Variants in PTPN13 observed in about 807,000 individuals in gnomAD.
The protein encoded by PTPN13 is protein tyrosine phosphatase non-receptor type 13.
In PTPN13, 191 loss-of-function variants were observed where a neutral mutation model predicts 284.0. The ratio of observed to expected loss-of-function variants is 0.67; its 90% CI spans 0.60 to 0.76. The LOEUF (loss-of-function observed/expected upper bound fraction) is 0.76. Ranked by LOEUF, PTPN13 falls within the 30% of genes least tolerant of loss-of-function variation. The probability of loss-of-function intolerance (pLI) is 0.00; values close to 1 mark genes in which losing one functional copy is unlikely to be tolerated. For missense variants in PTPN13, 2,797 were observed against 2,939.9 expected (o/e 0.95, Z 1.12); for synonymous variants, 986 against 1,022.3 (o/e 0.96, Z 0.68).
intron 1 of PTPN13, among the ~76,000 whole-genome samples, chr4:86,605,730 AT>A (rs1366655624): frequency 2.6e-5 from 4 of 151,880 alleles, no homozygotes; most frequent in Non-Finnish European, 5.9e-5. Context: ...TAAAAATAAG[AT>A]TTTATAGATA....
At chr4:86,637,581 C>T (rs1200535076) in intron 2 of PTPN13, among the ~76,000 whole-genome samples, 3 of 151,296 alleles carry the variant, frequency 2.0e-5, no homozygotes, top group Non-Finnish European at 4.4e-5. Context: ...ACAAAAACCA[C>T]ATGATTATCT....
intron 10 of PTPN13, 87 bp downstream of exon 10, chr4:86,722,521 A>G (rs1733788416): frequency 9.3e-7 from 1 of 1,078,988 alleles, no homozygotes; most frequent in Non-Finnish European, 1.4e-6. Flanking sequence ...TGCTACAGGT[A>G]TCCATCTAAA....
At chr4:86,684,456 C>T (rs1189688658) in intron 3 of PTPN13, among the ~76,000 whole-genome samples, 1 of 151,948 alleles carries the variant, frequency 6.6e-6, no homozygotes, top group African/African-American at 2.4e-5. Flanking sequence ...AATCTGCTTG[C>T]AAAATGGAAA....
In PTPN13 at chr4:86,799,139, A is replaced by G; in HGVS notation, c.6440A>G (p.Asp2147Gly). 6.3e-7 allele frequency: 1 copy of G among 1,594,946 alleles called. No homozygotes were observed. Among genetic ancestry groups the G allele is most frequent in the Non-Finnish European group, 8.5e-7 (1 of 1,171,640 alleles). Residue 2147 changes from aspartate (D) to glycine (G), a missense_variant, in exon 42 of 48, where the codon GAT becomes GGT. By Grantham distance (94) the Asp-to-Gly change is moderately conservative. Coordinates refer to ENST00000411767, the MANE Select transcript of PTPN13 (RefSeq NM_080683.3). ...QKPQEKKTDDDEITWGNDELP... is the reference protein window; with the variant it reads ...QKPQEKKTDDGEITWGNDELP... ...CCACAAGAAAAGAAGACTGATGATG[A>G]TGAAATAACATGGGGAAATGATGAG...
chr4:86,643,278 A>G (rs116278538), intron 2 of PTPN13, among the ~76,000 whole-genome samples: 2 of 152,358 alleles, frequency 1.3e-5, no homozygotes, highest in African/African-American at 4.8e-5. Flanking sequence ...TCTAAGAGAT[A>G]CCAGCAAGTG....
intron 26 of PTPN13, among the ~76,000 whole-genome samples, chr4:86,765,815 CTTGTTTTTTTTGTTG>C (rs1739236208): frequency 6.6e-6 from 1 of 151,530 alleles, no homozygotes; most frequent in African/African-American, 2.4e-5. Context: ...GTCATCTACA[CTTGTTTTTTTTGTTG>C]TTGTTTTTTT....
At chr4:86,649,295 C>G (rs1430232976) in intron 2 of PTPN13, among the ~76,000 whole-genome samples, 1 of 152,118 alleles carries the variant, frequency 6.6e-6, no homozygotes, top group Admixed American at 6.6e-5. Flanking sequence ...TGCAAGAAAT[C>G]TTTGTGCACG....
At chr4:86,656,994 G>A (rs1341920466) in intron 2 of PTPN13, among the ~76,000 whole-genome samples, 2 of 152,184 alleles carry the variant, frequency 1.3e-5, no homozygotes, top group Admixed American at 6.5e-5. Flanking sequence ...AGCAGTGAGC[G>A]AGGCTCTGTG....
intron 12 of PTPN13, among the ~76,000 whole-genome samples, chr4:86,733,895 T>G (rs1299017679): frequency 1.3e-5 from 2 of 152,212 alleles, no homozygotes; most frequent in Admixed American, 6.5e-5. Context: ...TATTAAATGT[T>G]TACCGTGTAC....
intron 17 of PTPN13, 130 bp downstream of exon 17, chr4:86,745,258 G>T: frequency 5.8e-6 from 5 of 861,298 alleles, no homozygotes; most frequent in Non-Finnish European, 8.7e-6. Context: ...GCTAAATCAA[G>T]TCTATAAAGG....
intron 1 of PTPN13, among the ~76,000 whole-genome samples, chr4:86,597,147 A>C (rs1763888164): frequency 6.6e-6 from 1 of 150,742 alleles, no homozygotes; most frequent in Admixed American, 6.6e-5. Context: ...AATGACGAGA[A>C]TCTTTTGGGC....
At chr4:86,657,814 C>G (rs376335072) in intron 2 of PTPN13, among the ~76,000 whole-genome samples, 1 of 152,300 alleles carries the variant, frequency 6.6e-6, no homozygotes. Flanking sequence ...CGGGAATCTG[C>G]TAAGCTGGTG....
intron 2 of PTPN13, among the ~76,000 whole-genome samples, chr4:86,655,632 C>T (rs1175263106): frequency 6.6e-6 from 1 of 152,150 alleles, no homozygotes; most frequent in Non-Finnish European, 1.5e-5. Flanking sequence ...GATGGGCTTC[C>T]CTTTGAGGGT....
chr4:86,805,997 A>G (rs1274817604), intron 44 of PTPN13, among the ~76,000 whole-genome samples: 1 of 152,010 alleles, frequency 6.6e-6, no homozygotes, highest in Non-Finnish European at 1.5e-5. Context: ...CTCTACTGAA[A>G]AATACAGAAA....
At chr4:86,626,753 A>G (rs748172680) in intron 1 of PTPN13, among the ~76,000 whole-genome samples, 1 of 152,154 alleles carries the variant, frequency 6.6e-6, no homozygotes, top group Non-Finnish European at 1.5e-5. Context: ...ACTTTTGGGT[A>G]TACAGTTGAA....
intron 2 of PTPN13, among the ~76,000 whole-genome samples, chr4:86,638,617 G>T (rs1407227787): frequency 2.0e-5 from 3 of 152,158 alleles, no homozygotes; most frequent in Non-Finnish European, 2.9e-5. Flanking sequence ...GGGAAAACTG[G>T]CTAGCCATAT....
At chr4:86,753,263 C>G (rs1264095651) in intron 20 of PTPN13, among the ~76,000 whole-genome samples, 198 bp downstream of exon 20, 1 of 151,868 alleles carries the variant, frequency 6.6e-6, no homozygotes, top group Non-Finnish European at 1.5e-5. Context: ...GATGAAATGA[C>G]AAATTAGAGA....
Position 86,814,682 on chromosome 4 carries a change from G to T in PTPN13, c.*131G>T. On this transcript the variant is annotated 3_prime_UTR_variant, in exon 48 of 48. Coordinates refer to ENST00000411767, the MANE Select transcript of PTPN13 (RefSeq NM_080683.3). ...TGCATGTTCTCCTCTATCTTAGAGG[G>T]GTATTCTTCTTGAAAATAAAAAATA... The T allele has an allele frequency of 6.8e-6, 4 of 585,364 alleles. No individual in the cohort carries two copies. The highest frequency in any genetic ancestry group is 5.9e-5 in the South Asian group (2 of 33,840). The allele number at this position is 585,364 out of a possible 1,614,324, so 36.3% of individuals were successfully genotyped here.
rs761555662 is a variant in PTPN13 at position 86,701,755 on chromosome 4, G to A, written c.1149G>A (p.Glu383=). The part of the protein sequence containing the change: ...AISSALDRIR[E]RQKKLQVLRE... Reference sequence around the variant, plus strand: ...CAAGTGCTTTGGACCGAATCCGAGAGAGACAAAAGAAACTTCAGGTTCTGA... The same window carrying A: ...CAAGTGCTTTGGACCGAATCCGAGAAAGACAAAAGAAACTTCAGGTTCTGA... Residue 383 remains glutamate, a synonymous_variant, in exon 7 of 48, where the codon GAG becomes GAA. Transcript: ENST00000411767. 1.2e-6 allele frequency: 2 copies of A among 1,613,448 alleles called. No individual in the cohort carries two copies. Among genetic ancestry groups the A allele is most frequent in the South Asian group, 2.2e-5 (2 of 90,910 alleles).
Sources: gnomAD v4.1 joint callset for allele counts (sites outside exome capture counted in the v4.1 genomes callset) on GRCh38, gnomAD v4.1.1 for gene constraint, MANE v1.5 for transcripts, NCBI Gene and HGNC (gene_info 2026-07-23, HGNC 2026-07-21) for gene names.